Variants in PHYH observed in about 807,000 individuals in gnomAD.
The protein encoded by PHYH is phytanoyl-CoA dioxygenase, peroxisomal.
PHYH carries 32 observed loss-of-function variants against 38.5 expected under a neutral mutation model. The ratio of observed to expected loss-of-function variants is 0.83; its 90% CI spans 0.63 to 1.12. The LOEUF is 1.12. PHYH is among the 50% of genes most tolerant of loss of function. The probability of loss-of-function intolerance (pLI) is 0.00; values close to 1 mark genes in which losing one functional copy is unlikely to be tolerated. For missense variants in PHYH, 426 were observed against 434.8 expected (o/e 0.98, Z 0.18); for synonymous variants, 166 against 157.9 (o/e 1.05, Z -0.38).
chr10:13,289,288 C>T (rs980360134), intron 5 of PHYH, among the ~76,000 whole-genome samples: 1 of 152,152 alleles, frequency 6.6e-6, no homozygotes, highest in African/African-American at 2.4e-5. Context: ...CTCCGCCTCC[C>T]AGGTTCACGC....
chr10:13,299,640 C>A, intron 1 of PHYH: 1 of 1,152,864 alleles, frequency 8.7e-7, no homozygotes, highest in African/African-American at 1.6e-5. Flanking sequence ...CTCTGGGTCT[C>A]TGGACAGCTG....
intron 1 of PHYH, chr10:13,299,695 G>C: frequency 7.9e-7 from 1 of 1,271,730 alleles, no homozygotes; most frequent in Admixed American, 4.4e-5. Flanking sequence ...CACAAAGAGA[G>C]GAGCAGAGGC....
At chr10:13,281,670 T>C (rs1327346199) in intron 7 of PHYH, among the ~76,000 whole-genome samples, 1 of 152,220 alleles carries the variant, frequency 6.6e-6, no homozygotes, top group South Asian at 2.1e-4. Flanking sequence ...AGGGTAAGGA[T>C]GAAATTGCTT....
chr10:13,295,660 G>A, intron 2 of PHYH, 54 bp from the exon 3 acceptor site: 1 of 812,348 alleles, frequency 1.2e-6, no homozygotes, highest in Non-Finnish European at 2.2e-6. Flanking sequence ...TACAGGCTAG[G>A]CACAATGGCT....
rs555663097 is a variant in PHYH at position 13,288,419 on chromosome 10, C to T, written c.619G>A (p.Val207Ile). ...CCCTTGTGTGTGCCTGGGAGCACAA[C>T]CAGACAGCCGTTGTTCCGGCTGATG... ...EHISRNNGCL[V>I]VLPGTHKGSL... is the part of the protein sequence containing the mutation. The change falls in exon 6 of 9, where the codon GTT becomes ATT. Residue 207 changes from valine to isoleucine, a missense_variant. Val to Ile is a conservative substitution (Grantham distance 29, BLOSUM62 3). Transcript: ENST00000263038. 50 of 1,614,172 alleles carry T rather than the reference C, an allele frequency of 3.1e-5. 1 individual carries two copies. The South Asian group carries it at 5.3e-4, about 17-fold the overall frequency.
intron 4 of PHYH, among the ~76,000 whole-genome samples, chr10:13,292,817 C>G (rs1005084156): frequency 6.6e-6 from 1 of 151,664 alleles, no homozygotes; most frequent in Non-Finnish European, 1.5e-5. Context: ...TCGGTAATCC[C>G]AGCTACTTGG....
At chr10:13,279,458 G>T (rs1835364555) in intron 8 of PHYH, among the ~76,000 whole-genome samples, 1 of 152,116 alleles carries the variant, frequency 6.6e-6, no homozygotes, top group Non-Finnish European at 1.5e-5. Flanking sequence ...CTTGGTTCTT[G>T]TTTATTTTTG....
intron 6 of PHYH, among the ~76,000 whole-genome samples, chr10:13,285,749 C>T (rs546998958): frequency 2.6e-5 from 4 of 151,874 alleles, no homozygotes; most frequent in African/African-American, 9.7e-5. Flanking sequence ...GGACTACAGG[C>T]GCACGCCACC....
intron 2 of PHYH, among the ~76,000 whole-genome samples, chr10:13,297,750 C>T (rs886790645): frequency 3.3e-5 from 5 of 151,142 alleles, no homozygotes; most frequent in African/African-American, 1.2e-4. Context: ...GCATGAGCCA[C>T]GGTGCCCGGC....
intron 8 of PHYH, among the ~76,000 whole-genome samples, chr10:13,279,537 C>T (rs574644307): frequency 6.6e-6 from 1 of 152,138 alleles, no homozygotes; most frequent in South Asian, 2.1e-4. Flanking sequence ...CAAGCTTTGT[C>T]GCTTAGCTAG....
intron 5 of PHYH, 29 bp downstream of exon 5, chr10:13,291,802 C>T: frequency 6.8e-7 from 1 of 1,478,542 alleles, no homozygotes; most frequent in East Asian, 2.3e-5. Context: ...TTAATGAAAC[C>T]ATTTTTTTTT....
intron 5 of PHYH, among the ~76,000 whole-genome samples, chr10:13,288,922 CAAAAAAA>C (rs36019637): frequency 9.8e-5 from 4 of 40,902 alleles, no homozygotes; most frequent in Non-Finnish European, 1.2e-4. Flanking sequence ...CACCCCCAAC[CAAAAAAA>C]AAAAAAAAAA....
chr10:13,278,257 T>C lies in PHYH; in HGVS notation c.*44A>G. The C allele has an allele frequency of 7.8e-7, 1 of 1,289,234 alleles. No homozygotes were observed. Among genetic ancestry groups the C allele is most frequent in the Non-Finnish European group, 1.1e-6 (1 of 883,418 alleles). 79.9% of individuals were successfully genotyped at this position (1,289,234 alleles called of 1,614,324 possible). A position where few individuals can be genotyped will look rare whatever the true frequency, so the allele number is the denominator to read the frequency against. On this transcript the variant is annotated 3_prime_UTR_variant, in exon 9 of 9. Transcript: ENST00000263038. Reference sequence around the variant, plus strand: ...AAAACATTTTCCTTAGACATTTCGTTTGGTTTTGGTTTTCTGTTGAAAGAG... The same window carrying C: ...AAAACATTTTCCTTAGACATTTCGTCTGGTTTTGGTTTTCTGTTGAAAGAG...
At chr10:13,299,527 G>A (rs1832688337) in intron 1 of PHYH, 61 of 1,006,454 alleles carry the variant, frequency 6.1e-5, no homozygotes, top group Non-Finnish European at 7.2e-5. Flanking sequence ...CTGCCCGGGA[G>A]GGCACCGTCC....
chr10:13,295,796 C>A (rs1329804113), intron 2 of PHYH, among the ~76,000 whole-genome samples, 190 bp from the exon 3 acceptor site: 1 of 151,248 alleles, frequency 6.6e-6, no homozygotes. Context: ...TGTGCCACTC[C>A]ACTCCAGCAT....
In PHYH at chr10:13,288,348, G is replaced by T. The variant is rs1039095805; in HGVS notation, c.678+12C>A. 4.3e-6 allele frequency: 7 copies of T among 1,612,842 alleles called. No individual in the cohort carries two copies. In the East Asian group the frequency reaches 1.3e-4, roughly 31 times the overall value. On this transcript the variant is annotated intron_variant, in intron 6 of 8. Coordinates refer to ENST00000263038, the MANE Select transcript of PHYH (RefSeq NM_006214.4). ...AGATTCGGATCAAGACTCAGCCGCC[G>T]GGCAGACCTACCTCCCACTTGGGGT...
At chr10:13,283,360 A>C (rs1210162078) in intron 7 of PHYH, among the ~76,000 whole-genome samples, 1 of 150,900 alleles carries the variant, frequency 6.6e-6, no homozygotes, top group Non-Finnish European at 1.5e-5. Context: ...CGATCTCCTG[A>C]CCTCGTGATC....
intron 2 of PHYH, 86 bp from the exon 3 acceptor site, chr10:13,295,692 T>G (rs1835830119): frequency 2.7e-6 from 2 of 731,728 alleles, no homozygotes; most frequent in Non-Finnish European, 5.0e-6. Flanking sequence ...TACTAGCACT[T>G]TAGCGGGCCG....
intron 7 of PHYH, among the ~76,000 whole-genome samples, chr10:13,282,105 G>T (rs1423217685): frequency 1.3e-5 from 2 of 151,956 alleles, no homozygotes; most frequent in African/African-American, 4.8e-5. Flanking sequence ...AATAAAATTA[G>T]CCAGGTGTGG....
Sources: gnomAD v4.1 joint callset for allele counts (sites outside exome capture counted in the v4.1 genomes callset) on GRCh38, gnomAD v4.1.1 for gene constraint, MANE v1.5 for transcripts, NCBI Gene and HGNC (gene_info 2026-07-23, HGNC 2026-07-21) for gene names.